Variants in ZBTB44 observed in about 807,000 individuals in gnomAD.
The protein encoded by ZBTB44 is zinc finger and BTB domain-containing protein 44.
ZBTB44 carries 15 observed loss-of-function variants against 54.0 expected under a neutral mutation model. The ratio of observed to expected loss-of-function variants is 0.28; its 90% CI spans 0.19 to 0.43. The LOEUF is 0.43. Ranked by LOEUF, ZBTB44 falls within the 20% of genes least tolerant of loss-of-function variation. ZBTB44 has a pLI of 1.00. For synonymous variants in ZBTB44, 230 were observed against 250.1 expected, an observed-to-expected ratio of 0.92 and a Z score of 0.76; for missense variants, 487 against 707.1, an observed-to-expected ratio of 0.69 and a Z score of 3.53.
chr11:130,261,263 G>A lies in ZBTB44; in HGVS notation c.611C>T (p.Ser204Leu), dbSNP rs758867338. The change falls in exon 2 of 8, where the codon TCA (serine) becomes TTA (leucine). Residue 204 changes from serine to leucine, a missense_variant. Transcript: ENST00000357899. This position sits in a 1 kb window ranked among gnomAD's most constrained non-coding sequence, Gnocchi z 4.8. ...SPVKCGTQTSSPQVLNSSASY... is the reference protein window; with the variant it reads ...SPVKCGTQTSLPQVLNSSASY... ...AGCTGAAGAATTCAATACCTGGGGTGAGCTTGTTTGTGTGCCACACTTTAC... is the reference window on the plus strand; with the variant it reads ...AGCTGAAGAATTCAATACCTGGGGTAAGCTTGTTTGTGTGCCACACTTTAC... 24 of 1,613,786 alleles carry A rather than the reference G, an allele frequency of 1.5e-5. No individual in the cohort carries two copies. Among genetic ancestry groups the A allele is most frequent in the Non-Finnish European group, 1.9e-5 (23 of 1,179,902 alleles).
intron 1 of ZBTB44, among the ~76,000 whole-genome samples, chr11:130,294,442 C>A (rs1252923112): frequency 6.8e-6 from 1 of 147,022 alleles, no homozygotes; most frequent in South Asian, 2.2e-4. Context: ...AAAAATAAAT[C>A]CAGTGTTAAA....
chr11:130,269,789 T>C (rs1939537211), intron 1 of ZBTB44, among the ~76,000 whole-genome samples: 1 of 151,916 alleles, frequency 6.6e-6, no homozygotes, highest in Non-Finnish European at 1.5e-5. Flanking sequence ...GATGCTTCTG[T>C]TTTTTTTCTC....
intron 7 of ZBTB44, chr11:130,232,321 G>A (rs902032406): frequency 2.6e-5 from 4 of 151,524 alleles, no homozygotes; most frequent in South Asian, 2.1e-4. Flanking sequence ...TAAACTTTGG[G>A]TATCTACACA....
intron 1 of ZBTB44, among the ~76,000 whole-genome samples, chr11:130,262,575 T>C (rs958220669): frequency 1.3e-5 from 2 of 152,192 alleles, no homozygotes; most frequent in Admixed American, 1.3e-4. Flanking sequence ...CATATCTCTA[T>C]CAGTAGGCGT....
chr11:130,260,734 A>T, intron 2 of ZBTB44, 122 bp downstream of exon 2: 2 of 1,136,110 alleles, frequency 1.8e-6, no homozygotes, highest in Non-Finnish European at 2.4e-6. Flanking sequence ...AAATCCAGTT[A>T]CCATGTTTTA....
intron 2 of ZBTB44, among the ~76,000 whole-genome samples, chr11:130,250,321 C>A (rs1277238279): frequency 6.6e-6 from 1 of 152,294 alleles, no homozygotes; most frequent in South Asian, 2.1e-4. Context: ...GGAGAAGGGG[C>A]GGCTGTGGGC....
intron 1 of ZBTB44, among the ~76,000 whole-genome samples, chr11:130,292,203 C>T (rs979262000): frequency 6.6e-5 from 10 of 152,122 alleles, no homozygotes; most frequent in African/African-American, 1.7e-4. Flanking sequence ...TGGGCTATTA[C>T]GAATAAAGCC....
At chr11:130,286,462 T>C (rs1940970607) in intron 1 of ZBTB44, among the ~76,000 whole-genome samples, 1 of 152,232 alleles carries the variant, frequency 6.6e-6, no homozygotes, top group African/African-American at 2.4e-5. Flanking sequence ...AACTACTCAA[T>C]TCCTATTAAG....
intron 5 of ZBTB44, 60 bp from the exon 6 acceptor site, chr11:130,234,333 A>C: frequency 6.9e-7 from 1 of 1,442,496 alleles, no homozygotes; most frequent in Non-Finnish European, 9.2e-7. Context: ...ATAGATAAGC[A>C]ACAGTAAAAA....
intron 1 of ZBTB44, among the ~76,000 whole-genome samples, chr11:130,287,020 A>G (rs947993714): frequency 1.3e-5 from 2 of 152,246 alleles, no homozygotes; most frequent in African/African-American, 4.8e-5. Context: ...GCTTCTACTG[A>G]CCAGCTAGAG....
Position 130,261,334 on chromosome 11 carries a change from G to A in ZBTB44, c.540C>T (p.Ser180=). 6.2e-7 allele frequency: 1 copy of A among 1,613,888 alleles called. No homozygotes were observed. Among genetic ancestry groups the A allele is most frequent in the Non-Finnish European group, 8.5e-7 (1 of 1,179,870 alleles). Residue 180 remains serine, a synonymous_variant, in exon 2 of 8, where the codon TCC becomes TCT. Coordinates refer to ENST00000357899, the MANE Select transcript of ZBTB44 (RefSeq NM_001301098.2). The surrounding 1 kb of genome is among the most constrained non-coding windows in gnomAD (Gnocchi z 4.8). ...CAATGTAGCTTTTGCGCTTTCTCCG[G>A]GATTCTCGGCAGACAGGAATGGTTC... ...VERTIPVCRE[S]RRKRKSYIVM...
intron 1 of ZBTB44, among the ~76,000 whole-genome samples, chr11:130,278,034 C>T (rs1376402158): frequency 1.3e-5 from 2 of 152,098 alleles, no homozygotes; most frequent in African/African-American, 4.8e-5. Flanking sequence ...AAAGATTTTC[C>T]CTTTTTAAAC....
intron 2 of ZBTB44, among the ~76,000 whole-genome samples, chr11:130,254,649 T>C (rs979491204): frequency 0.013 from 1,967 of 152,214 alleles, 45 homozygotes; most frequent in African/African-American, 0.045. Flanking sequence ...GGTTCAACCA[T>C]TGTGGAAGTC....
At chr11:130,251,307 A>C (rs1313571270) in intron 2 of ZBTB44, among the ~76,000 whole-genome samples, 1 of 152,166 alleles carries the variant, frequency 6.6e-6, no homozygotes, top group Non-Finnish European at 1.5e-5. Context: ...GAAAAGACCA[A>C]ACCTACGATT....
At chr11:130,310,830 C>G (rs1395908328) in intron 1 of ZBTB44, among the ~76,000 whole-genome samples, 2 of 152,058 alleles carry the variant, frequency 1.3e-5, no homozygotes, top group Non-Finnish European at 2.9e-5. Context: ...GCAACCTCCC[C>G]GGTTCAAGCA....
intron 1 of ZBTB44, among the ~76,000 whole-genome samples, chr11:130,291,607 T>C (rs1467105076): frequency 6.6e-6 from 1 of 152,206 alleles, no homozygotes; most frequent in Non-Finnish European, 1.5e-5. Flanking sequence ...CATTTTATCA[T>C]TAAACCAAGC....
intron 1 of ZBTB44, among the ~76,000 whole-genome samples, chr11:130,271,713 A>G (rs1565667121): frequency 2.0e-5 from 3 of 152,116 alleles, no homozygotes; most frequent in Admixed American, 6.5e-5. Flanking sequence ...CCGCATTTTT[A>G]TTATCTACAG....
At chr11:130,272,359 C>T (rs2134202833) in intron 1 of ZBTB44, among the ~76,000 whole-genome samples, 1 of 152,258 alleles carries the variant, frequency 6.6e-6, no homozygotes, top group East Asian at 1.9e-4. Flanking sequence ...TTTACATTTC[C>T]CTGATAAGTA....
chr11:130,293,907 T>G (rs1941467131), intron 1 of ZBTB44, among the ~76,000 whole-genome samples: 1 of 152,176 alleles, frequency 6.6e-6, no homozygotes, highest in East Asian at 1.9e-4. Context: ...AGTTCAGAGA[T>G]TTGAAAAAGT....
Sources: allele counts gnomAD v4.1 joint callset (sites outside exome capture counted in the v4.1 genomes callset), GRCh38; gene constraint gnomAD v4.1.1; non-coding constraint Gnocchi (gnomAD v3.1); transcripts MANE v1.5; gene names NCBI Gene and HGNC (gene_info 2026-07-23, HGNC 2026-07-21).